The following SLC34A2 variants were observed in gnomAD, a reference collection of about 807,000 sequenced individuals.
SLC34A2 encodes the protein solute carrier family 34 member 2, also known as sodium-dependent phosphate transport protein 2B.
SLC34A2 carries 41 observed loss-of-function variants against 50.8 expected under a neutral mutation model. The observed-to-expected ratio is 0.81, with a 90% CI of 0.63 to 1.05. The LOEUF is 1.05. Among genes scored for constraint, SLC34A2 ranks in the 50% least tolerant of loss-of-function variants. SLC34A2 has a pLI of 0.00. For missense variants in SLC34A2, 879 were observed against 876.7 expected (o/e 1.00, Z -0.03); for synonymous variants, 401 against 364.2 (o/e 1.10, Z -1.15).
chr4:25,676,779 G>C lies in SLC34A2; in HGVS notation c.*30G>C. Reference sequence around the variant, plus strand: ...CGCCCCAGATTGTCAGGGATGGGGGGATGGTCCTTGAGTTTTGCATGCTCT... The same window carrying C: ...CGCCCCAGATTGTCAGGGATGGGGGCATGGTCCTTGAGTTTTGCATGCTCT... On this transcript the variant is annotated 3_prime_UTR_variant, in exon 13 of 13. Coordinates refer to ENST00000382051, the MANE Select transcript of SLC34A2 (RefSeq NM_006424.3). The C allele has an allele frequency of 6.2e-7, 1 of 1,613,712 alleles. No homozygotes were observed. Among genetic ancestry groups the C allele is most frequent in the Non-Finnish European group, 8.5e-7 (1 of 1,179,948 alleles).
In SLC34A2 at chr4:25,673,153, C is replaced by G; in HGVS notation, c.1115C>G (p.Ser372Cys). Reference sequence around the variant, plus strand: ...GTGGGCACCATCTTGCTCATACTCTCCCTGCTGGTCCTCTGTGGTTGCCTG... The same window carrying G: ...GTGGGCACCATCTTGCTCATACTCTGCCTGCTGGTCCTCTGTGGTTGCCTG... ...LAVGTILLIL[S>C]LLVLCGCLIM... is the part of the protein sequence containing the mutation. The change falls in exon 10 of 13, where the codon TCC (serine) becomes TGC (cysteine). Residue 372 changes from serine (S) to cysteine (C), a missense_variant. Ser to Cys is a moderately radical substitution (Grantham distance 112). Coordinates refer to ENST00000382051, the MANE Select transcript of SLC34A2 (RefSeq NM_006424.3). 1 of 1,614,150 alleles carries G rather than the reference C, an allele frequency of 6.2e-7. No individual in the cohort carries two copies. Among genetic ancestry groups the G allele is most frequent in the Middle Eastern group, 1.6e-4 (1 of 6,062 alleles).
chr4:25,666,208 A>G lies in SLC34A2; in HGVS notation c.460A>G (p.Thr154Ala), dbSNP rs201866415. ...LLGLVIGVLV[T>A]VLVQSSSTST... ...GGGGCTGGTGATCGGGGTGCTGGTG[A>G]CCGTCTTGGTGCAGAGCTCCAGCAC... The change falls in exon 5 of 13, where the codon ACC becomes GCC. Residue 154 changes from threonine to alanine, a missense_variant. Transcript: ENST00000382051. 4.8e-5 allele frequency: 77 copies of G among 1,613,910 alleles called. No homozygotes were observed. The highest frequency in any genetic ancestry group is 6.4e-5 in the Non-Finnish European group (75 of 1,180,022).
chr4:25,669,507 A>C, intron 6 of SLC34A2, 140 bp from the exon 7 acceptor site: 1 of 820,168 alleles, frequency 1.2e-6, no homozygotes, highest in Non-Finnish European at 2.1e-6. Flanking sequence ...ATGAGAGAAC[A>C]AAAATGAGAT....
intron 7 of SLC34A2, 107 bp downstream of exon 7, chr4:25,669,949 A>G: frequency 9.5e-7 from 1 of 1,058,116 alleles, no homozygotes; most frequent in African/African-American, 1.6e-5. Context: ...TGGGCCTGGC[A>G]TGGTGGCTCA....
intron 8 of SLC34A2, 75 bp from the exon 9 acceptor site, chr4:25,671,526 T>C (rs1714812516): frequency 6.2e-7 from 1 of 1,601,518 alleles, no homozygotes. Flanking sequence ...CGCCTGTTCA[T>C]TCCCACCCCC....
At chr4:25,662,642 G>A in intron 2 of SLC34A2, 30 bp downstream of exon 2, 2 of 1,613,982 alleles carry the variant, frequency 1.2e-6, no homozygotes, top group Non-Finnish European at 1.7e-6. Context: ...CTGCAGATCG[G>A]CCTTTGTGAG....
chr4:25,668,697 T>C lies in SLC34A2; in HGVS notation c.635+706T>C, dbSNP rs184393549. 5.3e-5 allele frequency among the ~76,000 whole-genome samples: 8 copies of C among 152,052 alleles called. No individual in the cohort carries two copies. The East Asian group carries it at 1.5e-3, about 29-fold the overall frequency. ...TTTGTTTGGTCATAATTATAACTTATTTAAACTTCCACTTTCGGTCAGCTC... is the reference window on the plus strand; with the variant it reads ...TTTGTTTGGTCATAATTATAACTTACTTAAACTTCCACTTTCGGTCAGCTC... On this transcript the variant is annotated intron_variant, in intron 6 of 12. Coordinates refer to ENST00000382051, the MANE Select transcript of SLC34A2 (RefSeq NM_006424.3).
chr4:25,671,331 A>AT (rs948194582), intron 8 of SLC34A2, among the ~76,000 whole-genome samples: 12 of 151,888 alleles, frequency 7.9e-5, no homozygotes, highest in Non-Finnish European at 1.3e-4. Context: ...GTGTACATGT[A>AT]TTTTTTTTGT....
At chr4:25,664,428 C>CCTAAAACAG in intron 4 of SLC34A2, 98 bp downstream of exon 4, 1 of 1,364,116 alleles carries the variant, frequency 7.3e-7, no homozygotes, top group Admixed American at 1.7e-5. Flanking sequence ...GCTGCAGCCT[C>CCTAAAACAG]CTGGAGTGTT....
At chr4:25,663,745 G>GC (rs1220153474) in intron 3 of SLC34A2, among the ~76,000 whole-genome samples, 6 of 152,176 alleles carry the variant, frequency 3.9e-5, no homozygotes, top group Non-Finnish European at 1.5e-5. Flanking sequence ...GATGCCCCAA[G>GC]CCCTCCATAA....
intron 7 of SLC34A2, 93 bp downstream of exon 7, chr4:25,669,935 A>G: frequency 8.6e-7 from 1 of 1,169,098 alleles, no homozygotes; most frequent in Non-Finnish European, 1.3e-6. Context: ...CTACAACACT[A>G]TTCTGGGCCT....
At chr4:25,675,569 T>C (rs887285020) in intron 12 of SLC34A2, among the ~76,000 whole-genome samples, 1 of 152,232 alleles carries the variant, frequency 6.6e-6, no homozygotes, top group Non-Finnish European at 1.5e-5. Flanking sequence ...TTTTTAAAAG[T>C]AGAAACAGGC....
In SLC34A2 at chr4:25,677,025, G is replaced by A. The variant is rs1715174874; in HGVS notation, c.*276G>A. On this transcript the variant is annotated 3_prime_UTR_variant, in exon 13 of 13. Coordinates refer to ENST00000382051, the MANE Select transcript of SLC34A2 (RefSeq NM_006424.3). ...AGAGAATGAACCTGGCGGGACGGAT[G>A]TCTAATCCTGCGCCTAGCTGGGTTG... 2.0e-6 allele frequency: 1 copy of A among 505,336 alleles called. No individual in the cohort carries two copies. The highest frequency in any genetic ancestry group is 3.6e-6 in the Non-Finnish European group (1 of 280,800). 31.3% of individuals were successfully genotyped at this position (505,336 alleles called of 1,614,324 possible). A position where few individuals can be genotyped will look rare whatever the true frequency, so the allele number is the denominator to read the frequency against.
intron 3 of SLC34A2, 113 bp from the exon 4 acceptor site, chr4:25,664,089 G>A (rs866094196): frequency 5.9e-6 from 6 of 1,015,982 alleles, no homozygotes. Flanking sequence ...CTGCCAGGCT[G>A]GGAAGGGAGG....
chr4:25,676,721 A>G lies in SLC34A2; in HGVS notation c.2045A>G (p.Asp682Gly), dbSNP rs778449544. Residue 682 changes from aspartate (D) to glycine (G), a missense_variant, in exon 13 of 13, where the codon GAC (aspartate) becomes GGC (glycine). Transcript: ENST00000382051. ...REAQGEVPAS[D>G]SKTECTAL ...GCTCAGGGTGAGGTCCCTGCCTCGG[A>G]CTCAAAGACCGAATGCACGGCCTTG... 9 of 1,614,062 alleles carry G rather than the reference A, an allele frequency of 5.6e-6. No individual in the cohort carries two copies. Among genetic ancestry groups the G allele is most frequent in the Non-Finnish European group, 6.8e-6 (8 of 1,179,992 alleles).
In SLC34A2 at chr4:25,676,732, G is replaced by GA. The variant is rs1178230985; in HGVS notation, c.2058dup (p.Cys687MetfsTer19). ...GGTCCCTGCCTCGGACTCAAAGACCGAATGCACGGCCTTGTAGGGGACGCC... is the reference window on the plus strand; with the variant it reads ...GGTCCCTGCCTCGGACTCAAAGACCGAAATGCACGGCCTTGTAGGGGACGCC... On this transcript the variant is annotated frameshift_variant, in exon 13 of 13. Coordinates refer to ENST00000382051, the MANE Select transcript of SLC34A2 (RefSeq NM_006424.3). LOFTEE classifies it high-confidence loss of function. 5 of 1,614,032 alleles carry GA rather than the reference G, an allele frequency of 3.1e-6. No individual in the cohort carries two copies.
In SLC34A2 at chr4:25,664,287, G is replaced by A; in HGVS notation, c.336G>A (p.Val112=). The A allele has an allele frequency of 1.2e-6, 2 of 1,613,088 alleles. No individual in the cohort carries two copies. The highest frequency in any genetic ancestry group is 8.5e-7 in the Non-Finnish European group (1 of 1,179,892). ...TTCTCGGATTTCTCTACTTTTTCGT[G>A]TGCTCCCTGGATATTCTTAGTAGCG... ...ILLLGFLYFF[V]CSLDILSSAF... Residue 112 remains valine, a synonymous_variant, in exon 4 of 13, where the codon GTG becomes GTA. Coordinates refer to ENST00000382051, the MANE Select transcript of SLC34A2 (RefSeq NM_006424.3).
Position 25,674,355 on chromosome 4 carries a change from A to G in SLC34A2, c.1276A>G (p.Met426Val). 1 of 1,614,164 alleles carries G rather than the reference A, an allele frequency of 6.2e-7. No homozygotes were observed. Among genetic ancestry groups the G allele is most frequent in the Non-Finnish European group, 8.5e-7 (1 of 1,180,030 alleles). ...GYLAILVGAG[M>V]TFIVQSSSVF... ...CCTGGCCATCCTCGTCGGGGCAGGC[A>G]TGACCTTCATCGTACAGAGCAGCTC... The change falls in exon 11 of 13, where the codon ATG (methionine) becomes GTG (valine). Residue 426 changes from methionine (M) to valine (V), a missense_variant. Physicochemically the swap from Met to Val is conservative, Grantham distance 21. Coordinates refer to ENST00000382051, the MANE Select transcript of SLC34A2 (RefSeq NM_006424.3).
rs1714494773 is a variant in SLC34A2, at chr4:25,666,231, C to A, written c.483C>A (p.Ser161Arg). Residue 161 changes from serine (S) to arginine (R), a missense_variant, in exon 5 of 13, where the codon AGC (serine) becomes AGA (arginine). Physicochemically the swap from Ser to Arg is moderately radical, Grantham distance 110. Coordinates refer to ENST00000382051, the MANE Select transcript of SLC34A2 (RefSeq NM_006424.3). Reference sequence around the variant, plus strand: ...TGACCGTCTTGGTGCAGAGCTCCAGCACCTCAACGTCCATCGTTGTCAGCA... The same window carrying A: ...TGACCGTCTTGGTGCAGAGCTCCAGAACCTCAACGTCCATCGTTGTCAGCA... ...VLVTVLVQSS[S>R]TSTSIVVSMV... The A allele has an allele frequency of 1.2e-6, 2 of 1,614,068 alleles. No homozygotes were observed. Among genetic ancestry groups the A allele is most frequent in the Non-Finnish European group, 1.7e-6 (2 of 1,180,020 alleles).
Sources: allele counts gnomAD v4.1 joint callset (sites outside exome capture counted in the v4.1 genomes callset), GRCh38; gene constraint gnomAD v4.1.1; transcripts MANE v1.5; gene names NCBI Gene and HGNC (gene_info 2026-07-23, HGNC 2026-07-21).